MED27: variants seen among roughly 807,000 people sequenced by gnomAD.
The protein encoded by MED27 is mediator complex subunit 27, also known as mediator of RNA polymerase II transcription subunit 27.
A neutral mutation model predicts 38.2 loss-of-function variants in MED27; 30 were observed. The observed-to-expected ratio is 0.79, with a 90% CI of 0.59 to 1.07. The LOEUF is 1.07. Among genes scored for constraint, MED27 ranks in the 50% least tolerant of loss-of-function variants. The probability of loss-of-function intolerance (pLI) is 0.00; values close to 1 mark genes in which losing one functional copy is unlikely to be tolerated. For missense variants in MED27, 289 were observed against 397.5 expected (o/e 0.73, Z 2.32); for synonymous variants, 122 against 153.5 (o/e 0.79, Z 1.52).
intron 3 of MED27, among the ~76,000 whole-genome samples, chr9:132,006,508 AAAAC>A (rs1832360360): frequency 6.6e-6 from 1 of 152,246 alleles, no homozygotes; most frequent in African/African-American, 2.4e-5. Flanking sequence ...GTCCAGGAAC[AAAAC>A]AAACCCCAGG....
At chr9:132,026,517 C>T (rs1832822881) in intron 2 of MED27, among the ~76,000 whole-genome samples, 1 of 152,074 alleles carries the variant, frequency 6.6e-6, no homozygotes, top group South Asian at 2.1e-4. Flanking sequence ...ACAAGAGTGC[C>T]GGAACTGTCT....
At chr9:131,949,732 T>C (rs1830952476) in intron 3 of MED27, among the ~76,000 whole-genome samples, 2 of 152,184 alleles carry the variant, frequency 1.3e-5, no homozygotes, top group African/African-American at 4.8e-5. Context: ...AGTGCCTAAG[T>C]GAGCTCAGGG....
intron 2 of MED27, chr9:132,073,765 C>T (rs1222673687): frequency 4.7e-6 from 7 of 1,495,104 alleles, no homozygotes; most frequent in East Asian, 5.0e-5. Flanking sequence ...AAAAATCAAA[C>T]GTGAAAAAAA....
intron 2 of MED27, among the ~76,000 whole-genome samples, chr9:132,018,532 T>C (rs1234493787): frequency 6.6e-6 from 1 of 152,224 alleles, no homozygotes; most frequent in African/African-American, 2.4e-5. Flanking sequence ...ATTCATAGGT[T>C]AATGTTTTGC....
At chr9:131,866,434 C>T (rs1838737594) in intron 6 of MED27, among the ~76,000 whole-genome samples, 1 of 152,290 alleles carries the variant, frequency 6.6e-6, no homozygotes. Flanking sequence ...GAGCCAGAAA[C>T]CTGGGCCCTG....
At chr9:131,906,502 ACT>A (rs1342629811) in intron 4 of MED27, among the ~76,000 whole-genome samples, 1 of 151,962 alleles carries the variant, frequency 6.6e-6, no homozygotes. Context: ...GGCCTTTGAG[ACT>A]CTGATGAGGA....
rs1831771390 is a variant in MED27, at chr9:131,982,930, T to C, written c.479+31407A>G. ...GCCAATCACTGCTCTAGTCAATGTT[T>C]TTCCAACTGTAATGATATTCACCAC... On this transcript the variant is annotated intron_variant, in intron 3 of 7. Coordinates refer to ENST00000292035, the MANE Select transcript of MED27 (RefSeq NM_004269.4). The surrounding 1 kb of genome is among the most constrained non-coding windows in gnomAD (Gnocchi z 4.3). 6.6e-6 allele frequency among the ~76,000 whole-genome samples: 1 copy of C among 152,210 alleles called. No individual in the cohort carries two copies. The highest frequency in any genetic ancestry group is 1.5e-5 in the Non-Finnish European group (1 of 68,036).
chr9:132,066,340 G>A (rs1833809158), intron 2 of MED27, among the ~76,000 whole-genome samples: 1 of 152,252 alleles, frequency 6.6e-6, no homozygotes, highest in South Asian at 2.1e-4. Context: ...ACCTCTGCAG[G>A]CTCCTTGCAG....
At chr9:131,908,830 A>T (rs376841601) in intron 4 of MED27, among the ~76,000 whole-genome samples, 17 of 151,702 alleles carry the variant, frequency 1.1e-4, no homozygotes, top group Admixed American at 1.1e-3. Context: ...GTCCTATGAC[A>T]CTGCCAAATC....
Position 131,860,697 on chromosome 9 carries a change from G to A in MED27, c.802-25C>T. On this transcript the variant is annotated intron_variant, in intron 7 of 7. Coordinates refer to ENST00000292035, the MANE Select transcript of MED27 (RefSeq NM_004269.4). This position sits in a 1 kb window ranked among gnomAD's most constrained non-coding sequence, Gnocchi z 5.8. Reference sequence around the variant, plus strand: ...TCTAAAAAGAGAAACGAGGAGAGAAGTGAAAGAATGGGATACGGGTGCTCC... The same window carrying A: ...TCTAAAAAGAGAAACGAGGAGAGAAATGAAAGAATGGGATACGGGTGCTCC... The A allele has an allele frequency of 6.2e-7, 1 of 1,610,614 alleles. No individual in the cohort carries two copies. Among genetic ancestry groups the A allele is most frequent in the Admixed American group, 1.7e-5 (1 of 59,650 alleles).
intron 2 of MED27, among the ~76,000 whole-genome samples, chr9:132,035,432 T>C (rs1293897498): frequency 1.3e-5 from 2 of 152,000 alleles, no homozygotes; most frequent in Admixed American, 6.5e-5. Flanking sequence ...AACAAAGGAA[T>C]AGGTACAACA....
At chr9:131,973,744 G>T (rs1403757575) in intron 3 of MED27, among the ~76,000 whole-genome samples, 3 of 151,908 alleles carry the variant, frequency 2.0e-5, no homozygotes, top group South Asian at 2.1e-4. Context: ...GTCTTGCTCT[G>T]TTGCCCAGGC....
chr9:131,897,165 T>C (rs1458025520), intron 4 of MED27, among the ~76,000 whole-genome samples: 2 of 152,276 alleles, frequency 1.3e-5, no homozygotes, highest in African/African-American at 4.8e-5. Flanking sequence ...TCTTTAACCA[T>C]TCTCCTATTG....
rs137908304 is a variant in MED27, at chr9:132,014,515, A to G, written c.349-48T>C. 8.8e-5 allele frequency: 139 copies of G among 1,584,558 alleles called. 1 individual carries two copies. In the East Asian group the frequency reaches 2.3e-3, roughly 26 times the overall value. ...AGGGGAAGAAAAATAGCATTTGGTA[A>G]AAGTAGGACAAATGGTATTAAACTA... is the stretch of plus-strand genomic sequence containing the variant. On this transcript the variant is annotated intron_variant, in intron 2 of 7. Transcript: ENST00000292035.
intron 3 of MED27, among the ~76,000 whole-genome samples, chr9:131,973,725 C>T (rs989744282): frequency 8.6e-5 from 13 of 151,622 alleles, no homozygotes; most frequent in South Asian, 2.1e-4. Context: ...CTTTTTTCTT[C>T]GAGACGGAGT....
chr9:132,057,476 C>G (rs573283551), intron 2 of MED27, among the ~76,000 whole-genome samples: 1 of 152,228 alleles, frequency 6.6e-6, no homozygotes, highest in Non-Finnish European at 1.5e-5. Flanking sequence ...CAAGAGGGAA[C>G]AGAGCTGGGC....
At chr9:132,033,889 C>T (rs1833016503) in intron 2 of MED27, among the ~76,000 whole-genome samples, 2 of 152,212 alleles carry the variant, frequency 1.3e-5, no homozygotes, top group South Asian at 2.1e-4. Flanking sequence ...GAAAGTTCAA[C>T]CATAATGTAT....
At chr9:132,017,364 G>T (rs1044911479) in intron 2 of MED27, among the ~76,000 whole-genome samples, 1 of 151,924 alleles carries the variant, frequency 6.6e-6, no homozygotes, top group Non-Finnish European at 1.5e-5. Flanking sequence ...CCAAAATACC[G>T]CCATAAGTTC....
intron 6 of MED27, among the ~76,000 whole-genome samples, chr9:131,880,823 T>C (rs563532411): frequency 6.6e-6 from 1 of 152,240 alleles, no homozygotes; most frequent in African/African-American, 2.4e-5. Context: ...AATCTATGCT[T>C]CACCAAATCT....
Sources: allele counts gnomAD v4.1 joint callset (sites outside exome capture counted in the v4.1 genomes callset), GRCh38; gene constraint gnomAD v4.1.1; non-coding constraint Gnocchi (gnomAD v3.1); transcripts MANE v1.5; gene names NCBI Gene and HGNC (gene_info 2026-07-23, HGNC 2026-07-21).